The following TBC1D17 variants were observed in gnomAD, a reference collection of about 807,000 sequenced individuals.
The protein encoded by TBC1D17 is TBC1 domain family member 17, also known as TBC1 domain family, member 17.
TBC1D17 carries 69 observed loss-of-function variants against 78.8 expected under a neutral mutation model. That is an observed-to-expected ratio of 0.88 (90% CI 0.72 to 1.07). The LOEUF (loss-of-function observed/expected upper bound fraction) is 1.07. TBC1D17 is among the 50% of genes least tolerant of loss of function. The pLI is 0.00. For missense variants in TBC1D17, 957 were observed against 861.0 expected, an observed-to-expected ratio of 1.11 and a Z score of -1.39; for synonymous variants, 456 against 358.3, an observed-to-expected ratio of 1.27 and a Z score of -3.08.
chr19:49,882,311 GC>G lies in TBC1D17; in HGVS notation c.712del (p.Leu238CysfsTer65). 1.2e-6 allele frequency: 2 copies of G among 1,611,808 alleles called. No individual in the cohort carries two copies. Reference sequence around the variant, plus strand: ...CCGAGTGACCAACTTCTTCCGGGGTGCCCTGCAGCCACAGCCTGAGGGAGCC... The same window carrying G: ...CCGAGTGACCAACTTCTTCCGGGGTGCCTGCAGCCACAGCCTGAGGGAGCC... ...FSRVTNFFRG[A>X]LQPQPEGAAS... On this transcript the variant is annotated frameshift_variant, in exon 7 of 17. Transcript: ENST00000221543. LOFTEE classifies it high-confidence loss of function.
At chr19:49,878,452 T>C (rs1600441558) in intron 2 of TBC1D17, 46 bp from the exon 3 acceptor site, 1 of 1,554,308 alleles carries the variant, frequency 6.4e-7, no homozygotes, top group South Asian at 1.1e-5. Context: ...GTTTTGGGAA[T>C]GTGGTTTGGG....
intron 10 of TBC1D17, 50 bp downstream of exon 10, chr19:49,883,795 G>A: frequency 6.6e-7 from 1 of 1,514,998 alleles, no homozygotes; most frequent in Admixed American, 1.7e-5. Context: ...GGAACCACAG[G>A]AGGGCCTCAG....
intron 7 of TBC1D17, 49 bp downstream of exon 7, chr19:49,882,449 G>A (rs2075023664): frequency 5.1e-6 from 8 of 1,570,160 alleles, no homozygotes; most frequent in Non-Finnish European, 6.0e-6. Context: ...TGTCTCCCTG[G>A]GCGCATGATT....
At chr19:49,888,191 G>C (rs1187726758) in intron 15 of TBC1D17, 40 bp from the exon 16 acceptor site, 2 of 1,554,644 alleles carry the variant, frequency 1.3e-6, no homozygotes, top group Non-Finnish European at 1.7e-6. Flanking sequence ...GGCGGAGGTG[G>C]TTGAGTGCCG....
Position 49,880,367 on chromosome 19 carries a change from T to G in TBC1D17, c.284T>G (p.Val95Gly). ...CCTGACTGGGCTGTCATCAGCACTG[T>G]GCGGCCACAGCTCTGCCACTCAGAG... ...YEPDWAVIST[V>G]RPQLCHSEPT... The change falls in exon 4 of 17, where the codon GTG (valine) becomes GGG (glycine). Residue 95 changes from valine (V) to glycine (G), a missense_variant. Coordinates refer to ENST00000221543, the MANE Select transcript of TBC1D17 (RefSeq NM_024682.3). The G allele has an allele frequency of 6.2e-7, 1 of 1,613,936 alleles. No homozygotes were observed. Among genetic ancestry groups the G allele is most frequent in the Non-Finnish European group, 8.5e-7 (1 of 1,179,976 alleles).
intron 3 of TBC1D17, among the ~76,000 whole-genome samples, chr19:49,879,927 C>T (rs1199501620): frequency 6.0e-5 from 9 of 150,412 alleles, no homozygotes; most frequent in Non-Finnish European, 8.9e-5. Flanking sequence ...CATCTCAGCT[C>T]ACTGCAACCT....
intron 4 of TBC1D17, 37 bp from the exon 5 acceptor site, chr19:49,881,231 C>G: frequency 6.3e-7 from 1 of 1,579,168 alleles, no homozygotes; most frequent in South Asian, 1.1e-5. Context: ...ACTCTGGCTT[C>G]CCACGCGCTT....
Position 49,888,681 on chromosome 19 carries a change from C to G in TBC1D17, c.*57C>G. On this transcript the variant is annotated 3_prime_UTR_variant, in exon 17 of 17. Transcript: ENST00000221543. Reference sequence around the variant, plus strand: ...CTTTAGCCCGAGCCAGGCACACCTGCGAGGGGGCAGGTGTGCTCCGCCGCC... The same window carrying G: ...CTTTAGCCCGAGCCAGGCACACCTGGGAGGGGGCAGGTGTGCTCCGCCGCC... 6.9e-7 allele frequency: 1 copy of G among 1,449,308 alleles called. No homozygotes were observed. The highest frequency in any genetic ancestry group is 9.2e-7 in the Non-Finnish European group (1 of 1,086,930). The allele number at this position is 1,449,308 out of a possible 1,614,324, so 89.8% of individuals were successfully genotyped here.
At chr19:49,881,992 A>C (rs770841808) in intron 5 of TBC1D17, 49 bp from the exon 6 acceptor site, 5 of 1,502,752 alleles carry the variant, frequency 3.3e-6, no homozygotes, top group African/African-American at 1.4e-5. Context: ...AGCCTGGGAC[A>C]CTGGGCCCCT....
intron 13 of TBC1D17, 50 bp downstream of exon 13, chr19:49,884,808 C>T (rs2075046278): frequency 6.5e-7 from 1 of 1,543,746 alleles, no homozygotes. Flanking sequence ...ATAGACCTTG[C>T]CAGATTCTCT....
rs535589907 is a variant in TBC1D17 at position 49,880,271 on chromosome 19, C to T, written c.196-8C>T. On this transcript the variant is annotated splice_region_variant and splice_polypyrimidine_tract_variant and intron_variant, in intron 3 of 16. Transcript: ENST00000221543. ...GCCCCTTACTGTCTGCTCCTTTCCT[C>T]TCCTAAGGACTCCAGTGGGGGTGAC... is the stretch of plus-strand genomic sequence containing the variant. 6.2e-7 allele frequency: 1 copy of T among 1,613,940 alleles called. No individual in the cohort carries two copies. Among genetic ancestry groups the T allele is most frequent in the East Asian group, 2.2e-5 (1 of 44,890 alleles).
Position 49,884,371 on chromosome 19 carries a change from TG to T in TBC1D17, c.1243+5del. The stretch of plus-strand genomic sequence containing the variant: ...ACTGCATGTATCACTTCGACCTCGG[TG>T]GGTGCCAGGCCTGGGGACGGGCGTG... On this transcript the variant is annotated splice_donor_region_variant and intron_variant, in intron 11 of 16. Transcript: ENST00000221543. The T allele has an allele frequency of 6.2e-7, 1 of 1,614,008 alleles. No individual in the cohort carries two copies. The highest frequency in any genetic ancestry group is 1.1e-5 in the South Asian group (1 of 91,078).
Position 49,887,519 on chromosome 19 carries a change from G to A in TBC1D17, c.1488G>A (p.Leu496=), listed in dbSNP as rs762842865. 2.5e-6 allele frequency: 4 copies of A among 1,614,058 alleles called. No homozygotes were observed. The highest frequency in any genetic ancestry group is 3.4e-6 in the Non-Finnish European group (4 of 1,180,028). ...CTCTCTGCTTCTGTTTCCGGTGGCT[G>A]CTCATCTGGTTCAAGAGGGAATTCC... ...SGSLCFCFRW[L]LIWFKREFPF... Residue 496 remains leucine, a synonymous_variant, in exon 14 of 17, where the codon CTG becomes CTA. Coordinates refer to ENST00000221543, the MANE Select transcript of TBC1D17 (RefSeq NM_024682.3).
intron 1 of TBC1D17, 79 bp from the exon 2 acceptor site, chr19:49,878,064 C>G (rs1199587432): frequency 1.6e-6 from 2 of 1,237,932 alleles, no homozygotes; most frequent in Admixed American, 2.2e-5. Flanking sequence ...GGTGGCTCCT[C>G]CCTGGGCCCG....
At chr19:49,878,353 G>C in intron 2 of TBC1D17, 112 bp downstream of exon 2, 1 of 1,244,460 alleles carries the variant, frequency 8.0e-7, no homozygotes, top group Non-Finnish European at 1.1e-6. Flanking sequence ...GGGACCTGAA[G>C]AAGGCTGGGT....
intron 9 of TBC1D17, 46 bp from the exon 10 acceptor site, chr19:49,883,605 T>C (rs963193060): frequency 1.3e-6 from 2 of 1,568,516 alleles, no homozygotes; most frequent in Non-Finnish European, 8.8e-7. Flanking sequence ...TCTCTGGGTG[T>C]TGCAGACAGT....
At chr19:49,880,258 C>T in intron 3 of TBC1D17, 21 bp from the exon 4 acceptor site, 1 of 1,613,462 alleles carries the variant, frequency 6.2e-7, no homozygotes, top group Non-Finnish European at 8.5e-7. Flanking sequence ...CCCTTACTGT[C>T]TGCTCCTTTC....
chr19:49,884,577 G>T lies in TBC1D17; in HGVS notation c.1344+18G>T. 8 of 1,613,924 alleles carry T rather than the reference G, an allele frequency of 5.0e-6. No homozygotes were observed. The highest frequency in any genetic ancestry group is 3.4e-6 in the Non-Finnish European group (4 of 1,179,766). ...AGCTCGTGGTGAGGCTTGGGTCAGG[G>T]GTGGGACACAGGCCTATCGAGCGAT... is the stretch of plus-strand genomic sequence containing the variant. On this transcript the variant is annotated intron_variant, in intron 12 of 16. Coordinates refer to ENST00000221543, the MANE Select transcript of TBC1D17 (RefSeq NM_024682.3).
Position 49,877,910 on chromosome 19 carries a change from A to T in TBC1D17, c.21+166A>T, listed in dbSNP as rs749391047. On this transcript the variant is annotated intron_variant, in intron 1 of 16. Coordinates refer to ENST00000221543, the MANE Select transcript of TBC1D17 (RefSeq NM_024682.3). ...CTCCCGTCCACCGCCCCAGGGAAGA[A>T]CCTCCCATGGCCCCGCCCCCCCGGC... The T allele has an allele frequency of 9.1e-6, 8 of 877,902 alleles. No homozygotes were observed. The African/African-American group carries it at 1.0e-4, about 11-fold the overall frequency. 54.4% of individuals were successfully genotyped at this position (877,902 alleles called of 1,614,324 possible).
Sources: allele counts gnomAD v4.1 joint callset (sites outside exome capture counted in the v4.1 genomes callset), GRCh38; gene constraint gnomAD v4.1.1; transcripts MANE v1.5; gene names NCBI Gene and HGNC (gene_info 2026-07-23, HGNC 2026-07-21).